Variants in FOXP2 observed in about 807,000 individuals in gnomAD.
FOXP2 encodes the protein forkhead box P2.
FOXP2 carries 12 observed loss-of-function variants against 115.8 expected under a neutral mutation model. That is an observed-to-expected ratio of 0.10 (90% CI 0.07 to 0.17). The LOEUF is 0.17. Among genes scored for constraint, FOXP2 ranks in the 10% least tolerant of loss-of-function variants. The pLI is 1.00. For synonymous variants in FOXP2, 328 were observed against 297.7 expected, an observed-to-expected ratio of 1.10 and a Z score of -1.05; for missense variants, 629 against 843.5, an observed-to-expected ratio of 0.75 and a Z score of 3.15.
chr7:114,263,043 G>C (rs1383889400), intron 1 of FOXP2, among the ~76,000 whole-genome samples: 1 of 151,938 alleles, frequency 6.6e-6, no homozygotes, highest in Non-Finnish European at 1.5e-5. Context: ...AGTAAAGAAG[G>C]GTCTTTTCTT....
intron 16 of FOXP2, among the ~76,000 whole-genome samples, chr7:114,673,759 G>T (rs964378805): frequency 1.3e-5 from 2 of 152,070 alleles, no homozygotes; most frequent in African/African-American, 4.8e-5. Context: ...GAGTGCATTG[G>T]CACGATGTCA....
At chr7:114,426,433 A>G (rs1230591236) in intron 1 of FOXP2, 69 bp from the exon 2 acceptor site, 1 of 1,431,358 alleles carries the variant, frequency 7.0e-7, no homozygotes, top group Non-Finnish European at 9.8e-7. Flanking sequence ...ATTGGCAGAG[A>G]GGGACATCTT....
intron 2 of FOXP2, among the ~76,000 whole-genome samples, chr7:114,481,279 T>A (rs920071420): frequency 6.6e-6 from 1 of 151,236 alleles, no homozygotes; most frequent in South Asian, 2.1e-4. Flanking sequence ...TATACATTTT[T>A]AAAAGTTATT....
chr7:114,472,949 A>G (rs1796111892), intron 2 of FOXP2, among the ~76,000 whole-genome samples: 1 of 152,182 alleles, frequency 6.6e-6, no homozygotes, highest in Admixed American at 6.5e-5. Context: ...AAGAAAATAC[A>G]GTGGTAAACA....
intron 13 of FOXP2, among the ~76,000 whole-genome samples, chr7:114,660,954 C>T (rs1176699467): frequency 1.3e-5 from 2 of 151,648 alleles, no homozygotes; most frequent in African/African-American, 4.8e-5. Flanking sequence ...TAAAACTGCT[C>T]ATTTGCTCAT....
At chr7:114,171,473 T>C (rs1000119396) in intron 1 of FOXP2, among the ~76,000 whole-genome samples, 1 of 152,128 alleles carries the variant, frequency 6.6e-6, no homozygotes, top group Non-Finnish European at 1.5e-5. Context: ...CTTGGGAGGC[T>C]GAGGCAGGAG....
intron 14 of FOXP2, 45 bp downstream of exon 14, chr7:114,662,231 G>T: frequency 1.2e-6 from 2 of 1,609,590 alleles, no homozygotes; most frequent in Non-Finnish European, 1.7e-6. Context: ...GCATCCACCA[G>T]GAAAAGTAAA....
intron 3 of FOXP2, chr7:114,538,299 G>A: frequency 7.7e-7 from 1 of 1,290,444 alleles, no homozygotes; most frequent in Non-Finnish European, 1.0e-6. Flanking sequence ...AAAATTGGTC[G>A]CATTATTGTT....
At chr7:114,204,521 T>C (rs987497278) in intron 1 of FOXP2, among the ~76,000 whole-genome samples, 4 of 152,192 alleles carry the variant, frequency 2.6e-5, no homozygotes, top group Admixed American at 1.3e-4. Flanking sequence ...AAGTTATTTA[T>C]GGTCTCTGAA....
At chr7:114,547,554 A>C (rs1584879972) in intron 3 of FOXP2, among the ~76,000 whole-genome samples, 1 of 152,124 alleles carries the variant, frequency 6.6e-6, no homozygotes, top group Non-Finnish European at 1.5e-5. Context: ...TCAGGAGATC[A>C]AGACCATCCT....
At chr7:114,102,732 ACC>A (rs1554414721) in intron 1 of FOXP2, among the ~76,000 whole-genome samples, 1 of 146,084 alleles carries the variant, frequency 6.8e-6, no homozygotes, top group Non-Finnish European at 1.5e-5. Context: ...ACACACACAC[ACC>A]CCAATGGTTA....
chr7:114,623,591 A>G (rs1354278549), intron 3 of FOXP2, among the ~76,000 whole-genome samples: 12 of 151,902 alleles, frequency 7.9e-5, no homozygotes, highest in Non-Finnish European at 1.6e-4. Flanking sequence ...CATAATCTCT[A>G]CAATGACACG....
chr7:114,259,993 G>A (rs912707729), intron 1 of FOXP2, among the ~76,000 whole-genome samples: 3 of 151,956 alleles, frequency 2.0e-5, no homozygotes, highest in Admixed American at 6.6e-5. Context: ...AGGTTCAAGC[G>A]GTTCTCTTGC....
intron 3 of FOXP2, among the ~76,000 whole-genome samples, chr7:114,554,780 T>C (rs1348972195): frequency 2.6e-5 from 4 of 152,206 alleles, no homozygotes; most frequent in Non-Finnish European, 4.4e-5. Flanking sequence ...TTTTTTTTCA[T>C]AGCATCTAGT....
chr7:114,353,358 T>TTC (rs1246945415), intron 2 of FOXP2, among the ~76,000 whole-genome samples: 3 of 113,956 alleles, frequency 2.6e-5, no homozygotes, highest in Non-Finnish European at 3.8e-5. Flanking sequence ...TTTTTTTTTT[T>TTC]TCACAGCTCT....
At position 114,234,643 on chromosome 7, in the gene FOXP2, C is replaced by T. The variant is rs554269931; in HGVS notation, c.-101-53376C>T. ...TACATGAAAGATGAAACAGCCAAGG[C>T]TCTGAGTTGTTAATGAGCTTTCTAC... On this transcript the variant is annotated intron_variant, in intron 1 of 17. Transcript: ENST00000634411. Among the ~76,000 whole-genome samples the T allele has an allele frequency of 1.1e-3, 168 of 152,266 alleles. 1 individual carries two copies. Among genetic ancestry groups the T allele is most frequent in the African/African-American group, 3.8e-3 (157 of 41,548 alleles).
chr7:114,642,804 A>AT (rs1437814840), intron 7 of FOXP2, among the ~76,000 whole-genome samples, 181 bp downstream of exon 7: 27 of 13,270 alleles, frequency 2.0e-3, no homozygotes, highest in South Asian at 4.0e-3. Context: ...ATATATATAT[A>AT]TATATATATT....
chr7:114,307,314 T>C (rs1463645005), intron 2 of FOXP2, among the ~76,000 whole-genome samples: 2 of 152,064 alleles, frequency 1.3e-5, no homozygotes, highest in East Asian at 3.9e-4. Flanking sequence ...GCCCCCCGAG[T>C]CCTGGACTCA....
intron 3 of FOXP2, among the ~76,000 whole-genome samples, chr7:114,613,336 A>G (rs1403865180): frequency 6.6e-6 from 1 of 152,136 alleles, no homozygotes; most frequent in Non-Finnish European, 1.5e-5. Flanking sequence ...TATTCAAGTG[A>G]TATGTATATT....
Sources: allele counts gnomAD v4.1 joint callset (sites outside exome capture counted in the v4.1 genomes callset), GRCh38; gene constraint gnomAD v4.1.1; transcripts MANE v1.5; gene names NCBI Gene and HGNC (gene_info 2026-07-23, HGNC 2026-07-21).